FRMD3: variants seen among roughly 807,000 people sequenced by gnomAD.
The protein encoded by FRMD3 is FERM domain containing 3, also known as FERM domain-containing protein 3.
FRMD3 carries 33 observed loss-of-function variants against 70.2 expected under a neutral mutation model. The ratio of observed to expected loss-of-function variants is 0.47; its 90% CI spans 0.36 to 0.63. The LOEUF (loss-of-function observed/expected upper bound fraction) is 0.63, where lower values mean the gene tolerates loss of function less well. FRMD3 is among the 20% of genes least tolerant of loss of function. The pLI, the probability that FRMD3 is intolerant of heterozygous loss-of-function variation, is 0.00. For synonymous variants in FRMD3, 279 were observed against 255.9 expected (o/e 1.09, Z -0.86); for missense variants, 632 against 711.4 (o/e 0.89, Z 1.27).
upstream of FRMD3, among the ~76,000 whole-genome samples, chr9:83,539,680 T>A (rs1564122510): frequency 6.6e-6 from 1 of 151,460 alleles, no homozygotes. Context: ...TTTGGGGGAG[T>A]CCGCATTGCA....
At chr9:83,461,358 A>G (rs748904362) in intron 1 of FRMD3, among the ~76,000 whole-genome samples, 2 of 152,226 alleles carry the variant, frequency 1.3e-5, no homozygotes, top group Non-Finnish European at 2.9e-5. Flanking sequence ...ACACAGCCCT[A>G]TTGACACTGT....
At chr9:83,359,009 G>A (rs1824497143) in intron 3 of FRMD3, among the ~76,000 whole-genome samples, 1 of 151,970 alleles carries the variant, frequency 6.6e-6, no homozygotes, top group Admixed American at 6.6e-5. Flanking sequence ...TCTTCTACAT[G>A]GAAATGATTA....
At chr9:83,464,484 C>A (rs535073887) in intron 1 of FRMD3, among the ~76,000 whole-genome samples, 19 of 152,246 alleles carry the variant, frequency 1.2e-4, no homozygotes, top group African/African-American at 4.1e-4. Flanking sequence ...ACAGCAAATC[C>A]TCTCACTCTC....
intron 1 of FRMD3, among the ~76,000 whole-genome samples, chr9:83,491,953 T>G (rs929274000): frequency 3.3e-5 from 5 of 152,200 alleles, no homozygotes; most frequent in African/African-American, 7.2e-5. Flanking sequence ...TGGTGTTTGT[T>G]AATGGACTCC....
intron 1 of FRMD3, among the ~76,000 whole-genome samples, chr9:83,435,672 T>C (rs977153277): frequency 6.6e-6 from 1 of 152,182 alleles, no homozygotes; most frequent in East Asian, 1.9e-4. Context: ...TGTTCCAGTT[T>C]TATTTGGGTT....
In FRMD3 at chr9:83,301,926, T is replaced by C. The variant is rs554575814; in HGVS notation, c.927-2740A>G. Among the ~76,000 whole-genome samples the C allele has an allele frequency of 2.5e-3, 379 of 152,334 alleles. 1 individual carries two copies. The highest frequency in any genetic ancestry group is 8.5e-3 in the African/African-American group (353 of 41,586). On this transcript the variant is annotated intron_variant, in intron 10 of 13. Transcript: ENST00000304195. Reference sequence around the variant, plus strand: ...GTTCCCCTGGAGGAGTATCTGCAGGTGATCTGATTTGCTCAGAGACAGTTG... The same window carrying C: ...GTTCCCCTGGAGGAGTATCTGCAGGCGATCTGATTTGCTCAGAGACAGTTG...
chr9:83,267,074 C>T (rs1833297251), intron 13 of FRMD3: 1 of 1,550,770 alleles, frequency 6.4e-7, no homozygotes, highest in South Asian at 1.2e-5. Context: ...ATTACTGTTG[C>T]AGTGGTTCAC....
At chr9:83,388,386 C>T (rs1395546742) in intron 2 of FRMD3, among the ~76,000 whole-genome samples, 1 of 151,990 alleles carries the variant, frequency 6.6e-6, no homozygotes, top group African/African-American at 2.4e-5. Context: ...GGGTCCTATC[C>T]CCACTTCCAG....
At chr9:83,294,521 A>G (rs1246833125) in intron 12 of FRMD3, among the ~76,000 whole-genome samples, 1 of 152,192 alleles carries the variant, frequency 6.6e-6, no homozygotes, top group Non-Finnish European at 1.5e-5. Context: ...GACAAATATA[A>G]TACGCAAATT....
chr9:83,462,568 T>C (rs562225557), intron 1 of FRMD3, among the ~76,000 whole-genome samples: 3 of 152,272 alleles, frequency 2.0e-5, no homozygotes, highest in South Asian at 2.1e-4. Flanking sequence ...CCCTAGTACA[T>C]TGTTTCCATG....
At chr9:83,411,051 T>A (rs1367475474) in intron 1 of FRMD3, among the ~76,000 whole-genome samples, 1 of 152,114 alleles carries the variant, frequency 6.6e-6, no homozygotes, top group Admixed American at 6.6e-5. Flanking sequence ...CGCAGAATGT[T>A]TGGGGCAAGA....
At chr9:83,555,529 C>G in the FRMD3 span, among the ~76,000 whole-genome samples, 14 of 152,316 alleles carry the variant, frequency 9.2e-5, no homozygotes, top group East Asian at 7.7e-4. Flanking sequence ...TCCCCCTCCC[C>G]CTAGGAGATC....
At chr9:83,435,893 A>AT (rs1827119970) in intron 1 of FRMD3, among the ~76,000 whole-genome samples, 2 of 152,172 alleles carry the variant, frequency 1.3e-5, no homozygotes, top group African/African-American at 2.4e-5. Context: ...TGGTCCTAAG[A>AT]CCACAATAGA....
rs1051157809 is a variant in FRMD3, at chr9:83,506,040, A to G, written c.147+32045T>C. ...ATGAACACCCACCACGCAGCTGGTC[A>G]GCTGCGCTGGTCAGCTCTGAACTCT... On this transcript the variant is annotated intron_variant, in intron 1 of 13. Transcript: ENST00000304195. 2.0e-5 allele frequency among the ~76,000 whole-genome samples: 3 copies of G among 152,212 alleles called. No individual in the cohort carries two copies. The East Asian group carries it at 5.8e-4, about 29-fold the overall frequency.
At chr9:83,305,098 T>C (rs1835076747) in intron 10 of FRMD3, among the ~76,000 whole-genome samples, 1 of 152,152 alleles carries the variant, frequency 6.6e-6, no homozygotes, top group Admixed American at 6.5e-5. Context: ...GAACAAACCA[T>C]CTAGGAAACA....
intron 1 of FRMD3, among the ~76,000 whole-genome samples, chr9:83,404,240 T>C (rs1037748171): frequency 6.6e-6 from 1 of 152,232 alleles, no homozygotes; most frequent in Non-Finnish European, 1.5e-5. Flanking sequence ...ACATCTCTTC[T>C]GACTACACAG....
At chr9:83,494,860 C>CGT (rs1564103846) in intron 1 of FRMD3, among the ~76,000 whole-genome samples, 7 of 130,316 alleles carry the variant, frequency 5.4e-5, no homozygotes, top group African/African-American at 1.9e-4. Flanking sequence ...TGTGTGTGTG[C>CGT]GCGCGCGCAT....
intron 12 of FRMD3, among the ~76,000 whole-genome samples, chr9:83,297,103 T>C (rs759135981): frequency 1.6e-4 from 25 of 152,194 alleles, no homozygotes; most frequent in Non-Finnish European, 3.2e-4. Flanking sequence ...TTGACCTCAT[T>C]AACCATCCAA....
intron 1 of FRMD3, among the ~76,000 whole-genome samples, chr9:83,529,470 G>C (rs1829750476): frequency 6.6e-6 from 1 of 152,174 alleles, no homozygotes; most frequent in South Asian, 2.1e-4. Context: ...ACTTTAAAAT[G>C]ATGAATTTTA....
Sources: gnomAD v4.1 joint callset for allele counts (sites outside exome capture counted in the v4.1 genomes callset) on GRCh38, gnomAD v4.1.1 for gene constraint, MANE v1.5 for transcripts, NCBI Gene and HGNC (gene_info 2026-07-23, HGNC 2026-07-21) for gene names.